Variants in RAB6A observed in about 807,000 individuals in gnomAD.
RAB6A encodes the protein ras-related protein Rab-6A.
In RAB6A, 8 loss-of-function variants were observed where a neutral mutation model predicts 32.3. The observed-to-expected ratio is 0.25, with a 90% CI of 0.15 to 0.45. The LOEUF is 0.45. Ranked by LOEUF, RAB6A falls within the 20% of genes least tolerant of loss-of-function variation. The pLI is 1.00. For synonymous variants in RAB6A, 73 were observed against 82.1 expected, an observed-to-expected ratio of 0.89 and a Z score of 0.60; for missense variants, 104 against 249.4, an observed-to-expected ratio of 0.42 and a Z score of 3.93.
At chr11:73,716,622 T>C (rs938062310) in intron 4 of RAB6A, among the ~76,000 whole-genome samples, 4 of 151,688 alleles carry the variant, frequency 2.6e-5, no homozygotes, top group Non-Finnish European at 4.4e-5. Context: ...GAGTACAATG[T>C]AGTATTTAAT....
Position 73,677,981 on chromosome 11 carries a change from A to T in RAB6A, c.563-19T>A. On this transcript the variant is annotated intron_variant, in intron 7 of 7. Transcript: ENST00000336083. ...TCAATCACTGAAACAAAAGTTAAGA[A>T]GCCATAAATGGGAAAGTACAATTTC... 6.2e-7 allele frequency: 1 copy of T among 1,613,516 alleles called. No individual in the cohort carries two copies. Among genetic ancestry groups the T allele is most frequent in the Non-Finnish European group, 8.5e-7 (1 of 1,179,420 alleles).
chr11:73,718,490 A>T, intron 4 of RAB6A, 123 bp downstream of exon 4: 1 of 792,588 alleles, frequency 1.3e-6, no homozygotes, highest in Non-Finnish European at 2.0e-6. Context: ...GCTGGTATGT[A>T]ATTTACTATG....
rs762917342 is a variant in RAB6A at position 73,757,158 on chromosome 11, T to TTTTC, written c.70+3407_70+3408insGAAA. The stretch of plus-strand genomic sequence containing the variant: ...TTTTTTTTTTTTTTTTTTTTTTTTT[T>TTTTC]CTTGAGACAGAGTCTCACTCTGTCA... On this transcript the variant is annotated intron_variant, in intron 1 of 7. Coordinates refer to ENST00000336083, the MANE Select transcript of RAB6A (RefSeq NM_198896.2). Among the ~76,000 whole-genome samples the TTTTC allele has an allele frequency of 1.1e-4, 11 of 98,650 alleles. 1 individual carries two copies. Among genetic ancestry groups the TTTTC allele is most frequent in the South Asian group, 1.0e-3 (2 of 1,942 alleles). 64.7% of individuals were successfully genotyped at this position (98,650 alleles called of 152,430 possible).
intron 1 of RAB6A, among the ~76,000 whole-genome samples, chr11:73,742,725 G>T (rs1456648639): frequency 1.3e-5 from 2 of 151,934 alleles, no homozygotes; most frequent in South Asian, 2.1e-4. Context: ...CAGGAGAATC[G>T]CTTGAACTCG....
chr11:73,753,323 C>G (rs1456780537), intron 1 of RAB6A, among the ~76,000 whole-genome samples: 4 of 152,012 alleles, frequency 2.6e-5, no homozygotes, highest in African/African-American at 9.7e-5. Context: ...CCTCAGCCTC[C>G]TGAGATGGGA....
At position 73,707,509 on chromosome 11, in the gene RAB6A, C is replaced by A. The variant is rs1212198957; in HGVS notation, c.406G>T (p.Val136Leu). ...TTCCTCTCTCCCTCCTCAATTGACA[C>A]TTGCCTGTAAAGAAACAAACAAACT... Reference protein sequence around the residue: ...NKTDLADKRQVSIEEGERKAK... With the variant: ...NKTDLADKRQLSIEEGERKAK... Residue 136 changes from valine (V) to leucine (L), a missense_variant, in exon 6 of 8, where the codon GTG becomes TTG. Physicochemically the swap from Val to Leu is conservative, Grantham distance 32 (BLOSUM62 1). This residue lies in a region of RAB6A where 21 missense variants were observed against 18.2 expected (regional missense o/e 1.15). Coordinates refer to ENST00000336083, the MANE Select transcript of RAB6A (RefSeq NM_198896.2). The A allele has an allele frequency of 1.5e-5, 24 of 1,608,700 alleles. No individual in the cohort carries two copies. Among genetic ancestry groups the A allele is most frequent in the Non-Finnish European group, 2.0e-5 (24 of 1,175,488 alleles).
chr11:73,724,710 TC>T (rs1273631517), intron 2 of RAB6A, among the ~76,000 whole-genome samples: 1 of 152,166 alleles, frequency 6.6e-6, no homozygotes, highest in Non-Finnish European at 1.5e-5. Context: ...ATGGTGTCGA[TC>T]TCCAGACCTT....
At chr11:73,760,389 A>T (rs983836498) in intron 1 of RAB6A, among the ~76,000 whole-genome samples, 177 bp downstream of exon 1, 4 of 152,102 alleles carry the variant, frequency 2.6e-5, no homozygotes, top group African/African-American at 9.7e-5. Flanking sequence ...GAACAGGGTA[A>T]AAACTCGGCC....
intron 1 of RAB6A, among the ~76,000 whole-genome samples, chr11:73,752,292 C>T (rs1946680956): frequency 6.6e-6 from 1 of 152,058 alleles, no homozygotes; most frequent in Non-Finnish European, 1.5e-5. Flanking sequence ...CACGTCTCTA[C>T]TAAAAATACA....
At position 73,676,380 on chromosome 11, in the gene RAB6A, C is replaced by A. The variant is rs1945269614; in HGVS notation, c.*1518G>T. On this transcript the variant is annotated 3_prime_UTR_variant, in exon 8 of 8. Coordinates refer to ENST00000336083, the MANE Select transcript of RAB6A (RefSeq NM_198896.2). ...CAATAACTAGTAAAGATTAAAAGGG[C>A]ACACTCCTAGTATATTTGTTTGCAG... The A allele has an allele frequency of 6.0e-6, 1 of 166,796 alleles. No homozygotes were observed. The highest frequency in any genetic ancestry group is 1.5e-5 in the Non-Finnish European group (1 of 68,074). The allele number at this position is 166,796 out of a possible 1,614,324, so 10.3% of individuals were successfully genotyped here.
chr11:73,743,016 C>T (rs1336362613), intron 1 of RAB6A, among the ~76,000 whole-genome samples: 1 of 151,456 alleles, frequency 6.6e-6, no homozygotes, highest in Non-Finnish European at 1.5e-5. Context: ...TAAGAAAGCA[C>T]TGTAAGGCCA....
chr11:73,679,846 C>T, intron 6 of RAB6A, 126 bp from the exon 7 acceptor site: 1 of 1,247,458 alleles, frequency 8.0e-7, no homozygotes, highest in Non-Finnish European at 1.2e-6. Flanking sequence ...AATCCCAGCA[C>T]TTTGGGACCC....
chr11:73,707,599 C>A, intron 5 of RAB6A, 86 bp from the exon 6 acceptor site: 1 of 999,374 alleles, frequency 1.0e-6, no homozygotes, highest in Admixed American at 2.0e-5. Context: ...AATAACTTTC[C>A]TTGATATAAG....
intron 1 of RAB6A, among the ~76,000 whole-genome samples, chr11:73,755,953 TAAC>T (rs1421653478): frequency 1.3e-5 from 2 of 151,630 alleles, no homozygotes; most frequent in African/African-American, 2.4e-5. Context: ...AGAACAACAA[TAAC>T]AACTACATTA....
chr11:73,746,382 T>C (rs1354189209), intron 1 of RAB6A, among the ~76,000 whole-genome samples: 1 of 151,956 alleles, frequency 6.6e-6, no homozygotes, highest in Admixed American at 6.6e-5. Flanking sequence ...CAGTGGCACA[T>C]GCCTGTAGTC....
chr11:73,692,297 G>A (rs1490260109), intron 6 of RAB6A, among the ~76,000 whole-genome samples: 2 of 151,720 alleles, frequency 1.3e-5, no homozygotes, highest in Non-Finnish European at 2.9e-5. Flanking sequence ...GAGGTCAGGA[G>A]ATCAAGACCA....
At chr11:73,732,286 A>G (rs1250082889) in intron 1 of RAB6A, among the ~76,000 whole-genome samples, 1 of 152,100 alleles carries the variant, frequency 6.6e-6, no homozygotes, top group Non-Finnish European at 1.5e-5. Flanking sequence ...TTTTGGGAGG[A>G]TAAGAACCAT....
intron 1 of RAB6A, among the ~76,000 whole-genome samples, chr11:73,747,432 C>T (rs969753018): frequency 3.1e-4 from 19 of 62,154 alleles, no homozygotes; most frequent in African/African-American, 6.9e-4. Flanking sequence ...ACCTTGTGAT[C>T]GGAACCCCCC....
intron 1 of RAB6A, among the ~76,000 whole-genome samples, chr11:73,736,190 A>T (rs1199185591): frequency 6.6e-6 from 1 of 152,104 alleles, no homozygotes; most frequent in African/African-American, 2.4e-5. Context: ...GCACTTTGAG[A>T]GGCCAAGGCG....
Sources: gnomAD v4.1 joint callset for allele counts (sites outside exome capture counted in the v4.1 genomes callset) on GRCh38, gnomAD v4.1.1 for gene constraint, gnomAD v4.1.1 regional missense constraint, MANE v1.5 for transcripts, NCBI Gene and HGNC (gene_info 2026-07-23, HGNC 2026-07-21) for gene names.